Variants in LHB observed in about 807,000 individuals in gnomAD.
LHB encodes lutropin subunit beta.
LHB carries 11 observed loss-of-function variants against 10.6 expected under a neutral mutation model. The observed-to-expected ratio is 1.04, with a 90% CI of 0.66 to 1.72. The LOEUF is 1.72. Among genes scored for constraint, LHB ranks in the 40% most tolerant of loss-of-function variants. LHB has a pLI of 0.00. For synonymous variants in LHB, 86 were observed against 83.1 expected, an observed-to-expected ratio of 1.03 and a Z score of -0.19; for missense variants, 184 against 197.3, an observed-to-expected ratio of 0.93 and a Z score of 0.41.
At position 49,016,064 on chromosome 19, in the gene LHB, G is replaced by A. The variant is rs765477616; in HGVS notation, c.*4C>T. The A allele has an allele frequency of 6.2e-7, 1 of 1,613,678 alleles. No individual in the cohort carries two copies. Among genetic ancestry groups the A allele is most frequent in the Non-Finnish European group, 8.5e-7 (1 of 1,180,040 alleles). ...ATGGACTTGGAAGGCTGCGGGGAGG[G>A]TCTTTAGAGGAAGAGGAGGCCTGAG... On this transcript the variant is annotated 3_prime_UTR_variant, in exon 3 of 3. Transcript: ENST00000649238.
At chr19:49,018,375 T>C, upstream of LHB, 1 of 1,197,810 alleles carries the variant, frequency 8.3e-7, no homozygotes, top group Non-Finnish European at 1.0e-6. Context: ...AGGATACAGC[T>C]GGATCCTTGG....
chr19:49,017,762 G>T (rs1600207261), upstream of LHB: 5 of 411,236 alleles, frequency 1.2e-5, no homozygotes, highest in African/African-American at 8.2e-5. Flanking sequence ...GCCACAGCCT[G>T]CAAGGACATT....
upstream of LHB, chr19:49,017,956 G>C (rs1378478257): frequency 5.0e-6 from 2 of 398,534 alleles, no homozygotes; most frequent in African/African-American, 4.1e-5. Context: ...GGGTGGGGCT[G>C]GCCCTGACGG....
At chr19:49,017,571 A>T (rs3795047), upstream of LHB, 58,577 of 1,052,796 alleles carry the variant, frequency 0.056, 2,484 homozygotes, top group Middle Eastern at 0.073. Flanking sequence ...GCTGCCAGGG[A>T]AGCCACTTGA....
At chr19:49,016,412 A>G in intron 2 of LHB, 102 bp from the exon 3 acceptor site, 1 of 1,599,078 alleles carries the variant, frequency 6.3e-7, no homozygotes, top group Non-Finnish European at 8.5e-7. Context: ...GAGCCCAGGA[A>G]GCCCTCTGTT....
At position 49,016,100 on chromosome 19, in the gene LHB, G is replaced by A. The variant is rs755285445; in HGVS notation, c.394C>T (p.His132Tyr). The change falls in exon 3 of 3, where the codon CAC (histidine) becomes TAC (tyrosine). Residue 132 changes from histidine (H) to tyrosine (Y), a missense_variant. By Grantham distance (83) the His-to-Tyr change is moderately conservative (BLOSUM62 2). Transcript: ENST00000649238. Reference protein sequence around the residue: ...GPKDHPLTCDHPQLSGLLFL With the variant: ...GPKDHPLTCDYPQLSGLLFL ...AAGAGGAGGCCTGAGAGTTGGGGGTGGTCACAGGTCAAGGGGTGGTCTTTG... is the reference window on the plus strand; with the variant it reads ...AAGAGGAGGCCTGAGAGTTGGGGGTAGTCACAGGTCAAGGGGTGGTCTTTG... The A allele has an allele frequency of 6.2e-7, 1 of 1,613,096 alleles. No homozygotes were observed. Among genetic ancestry groups the A allele is most frequent in the Non-Finnish European group, 8.5e-7 (1 of 1,180,032 alleles).
At chr19:49,017,510 C>T (rs2039577291), upstream of LHB, 1 of 1,130,454 alleles carries the variant, frequency 8.8e-7, no homozygotes, top group Admixed American at 4.1e-5. Context: ...AGGAGGGGCG[C>T]TGCTTCGGAC....
chr19:49,017,933 G>A, upstream of LHB: 1 of 398,590 alleles, frequency 2.5e-6, no homozygotes, highest in Non-Finnish European at 4.4e-6. Flanking sequence ...GCGCGGCCCT[G>A]GGGGCGGGTC....
chr19:49,017,972 A>T (rs1257722897), upstream of LHB: 1 of 398,314 alleles, frequency 2.5e-6, no homozygotes, highest in Non-Finnish European at 4.4e-6. Flanking sequence ...GACGGCTCAC[A>T]CCAGCGCCGG....
At chr19:49,018,098 T>C, upstream of LHB, 1 of 399,144 alleles carries the variant, frequency 2.5e-6, no homozygotes, top group Non-Finnish European at 4.4e-6. Flanking sequence ...GCAGAAGCGG[T>C]CGAGCCGCCG....
At chr19:49,017,863 C>T (rs552417765), upstream of LHB, 186 of 398,098 alleles carry the variant, frequency 4.7e-4, no homozygotes, top group Non-Finnish European at 7.2e-4. Flanking sequence ...GTAATGAGTG[C>T]GACTCAGGCT....
upstream of LHB, chr19:49,017,225 G>A (rs113068999): frequency 4.8e-4 from 679 of 1,421,844 alleles, 2 homozygotes; most frequent in African/African-American, 4.9e-3. Context: ...CCAGGGAGGC[G>A]CAGGAGTGGC....
intron 2 of LHB, 26 bp downstream of exon 2, chr19:49,016,521 T>C (rs768835923): frequency 4.2e-5 from 65 of 1,542,576 alleles, no homozygotes; most frequent in East Asian, 3.4e-4. Context: ...GGTGGCAGCA[T>C]CTGCCCCTGG....
upstream of LHB, chr19:49,019,197 A>T: frequency 5.0e-6 from 7 of 1,396,612 alleles, no homozygotes; most frequent in Non-Finnish European, 6.5e-6. Context: ...TCATACCCGA[A>T]CCCTTCCCAG....
At chr19:49,017,365 G>A, upstream of LHB, 2 of 1,054,694 alleles carry the variant, frequency 1.9e-6, no homozygotes, top group South Asian at 3.3e-5. Context: ...GGCACAGGGA[G>A]TAGGGTGTAG....
rs138913384 is a variant in LHB, at chr19:49,016,155, G to A, written c.339C>T (p.Cys113=). ...PVALSCRCGP[C]RRSTSDCGGP... is the part of the protein sequence containing the mutation. ...CCCCACAGTCAGAGGTGCTGCGGCG[G>A]CAGGGTCCACAGCGACAGCTGAGAG... The change falls in exon 3 of 3, where the codon TGC becomes TGT. Residue 113 remains cysteine, a synonymous_variant. Coordinates refer to ENST00000649238, the MANE Select transcript of LHB (RefSeq NM_000894.3). 2.4e-5 allele frequency: 38 copies of A among 1,612,656 alleles called. No individual in the cohort carries two copies. The African/African-American group carries it at 4.8e-4, about 20-fold the overall frequency.
At chr19:49,019,315 G>T, upstream of LHB, 1 of 1,190,396 alleles carries the variant, frequency 8.4e-7, no homozygotes, top group Non-Finnish European at 1.1e-6. Context: ...AAACCGTCTT[G>T]GTGTGGCCAC....
upstream of LHB, among the ~76,000 whole-genome samples, chr19:49,018,492 T>C (rs967765278): frequency 1.3e-5 from 2 of 152,084 alleles, no homozygotes; most frequent in African/African-American, 4.8e-5. Context: ...GTTGCCTGCG[T>C]TCCTGGGTCC....
intron 2 of LHB, 95 bp downstream of exon 2, chr19:49,016,452 G>A (rs1485188936): frequency 8.9e-5 from 142 of 1,601,608 alleles, no homozygotes; most frequent in Non-Finnish European, 1.1e-4. Context: ...TTCCCCAACC[G>A]CAGGCCAGAG....
Sources: allele counts gnomAD v4.1 joint callset (sites outside exome capture counted in the v4.1 genomes callset), GRCh38; gene constraint gnomAD v4.1.1; transcripts MANE v1.5; gene names NCBI Gene and HGNC (gene_info 2026-07-23, HGNC 2026-07-21).